The following INKA2 variants were observed in gnomAD, a reference collection of about 807,000 sequenced individuals.
INKA2 encodes PAK4-inhibitor INKA2.
A neutral mutation model predicts 9.8 loss-of-function variants in INKA2; 3 were observed. The ratio of observed to expected loss-of-function variants is 0.31; its 90% CI spans 0.14 to 0.79. INKA2 has a LOEUF of 0.79. INKA2 is among the 30% of genes least tolerant of loss of function. The probability of loss-of-function intolerance (pLI) is 0.62; values close to 1 mark genes in which losing one functional copy is unlikely to be tolerated. For synonymous variants in INKA2, 147 were observed against 143.3 expected (o/e 1.03, Z -0.18); for missense variants, 392 against 384.4 (o/e 1.02, Z -0.17).
upstream of INKA2, chr1:111,739,435 G>A (rs1264516021): frequency 6.9e-7 from 1 of 1,443,602 alleles, no homozygotes; most frequent in South Asian, 1.5e-5. Flanking sequence ...GGTGCTGGGG[G>A]TGGAGGGAAA....
At chr1:111,755,676 C>T (rs1392737715) in intron 1 of INKA2, 2 of 1,613,360 alleles carry the variant, frequency 1.2e-6, no homozygotes, top group Non-Finnish European at 1.7e-6. Context: ...GCGGCGCCCT[C>T]TGCAGGCCAC....
intron 1 of INKA2, among the ~76,000 whole-genome samples, chr1:111,734,961 C>T (rs1009553820): frequency 1.3e-5 from 2 of 152,296 alleles, no homozygotes; most frequent in South Asian, 2.1e-4. Flanking sequence ...ATCAGACTGG[C>T]GGGGTTTGAA....
At chr1:111,752,728 C>G (rs1663437597) in intron 1 of INKA2, among the ~76,000 whole-genome samples, 1 of 151,490 alleles carries the variant, frequency 6.6e-6, no homozygotes, top group African/African-American at 2.4e-5. Flanking sequence ...GAGTCTCGCT[C>G]TGTTGCCCAG....
chr1:111,738,891 G>T (rs1663070414), intron 1 of INKA2, among the ~76,000 whole-genome samples: 1 of 152,198 alleles, frequency 6.6e-6, no homozygotes, highest in Non-Finnish European at 1.5e-5. Context: ...GTCTCTGGGC[G>T]TGCCCTATCT....
intron 1 of INKA2, among the ~76,000 whole-genome samples, chr1:111,729,635 T>C (rs1662861585): frequency 6.6e-6 from 1 of 152,228 alleles, no homozygotes. Flanking sequence ...GCAAACCTCA[T>C]ATGCAGGGAC....
intron 1 of INKA2, chr1:111,755,020 G>A (rs575866964): frequency 2.3e-5 from 3 of 132,058 alleles, no homozygotes; most frequent in Non-Finnish European, 1.6e-5. Context: ...ACCACAGCAA[G>A]GAAAAGTGGC....
In INKA2 at chr1:111,727,668, C is replaced by G; in HGVS notation, c.194G>C (p.Gly65Ala). 1.2e-6 allele frequency: 2 copies of G among 1,611,152 alleles called. No individual in the cohort carries two copies. Among genetic ancestry groups the G allele is most frequent in the Non-Finnish European group, 1.7e-6 (2 of 1,178,436 alleles). Residue 65 changes from glycine to alanine, a missense_variant, in exon 2 of 2, where the codon GGC becomes GCC. Gly to Ala is a moderately conservative substitution (Grantham distance 60). Coordinates refer to ENST00000357260, the MANE Select transcript of INKA2 (RefSeq NM_019099.5). ...LEISGGGPVP[G>A]SPEGPRTQCE... The stretch of plus-strand genomic sequence containing the variant: ...CTGGGTCCTGGGACCTTCAGGGCTG[C>G]CTGGCACAGGACCCCCTCCAGAGAT...
intron 1 of INKA2, among the ~76,000 whole-genome samples, chr1:111,748,263 T>C (rs1227381182): frequency 6.6e-6 from 1 of 152,228 alleles, no homozygotes; most frequent in Non-Finnish European, 1.5e-5. Context: ...AATTCTGCCA[T>C]CTGGCATAAT....
chr1:111,727,161 G>C lies in INKA2; in HGVS notation c.701C>G (p.Thr234Arg). ...RLLKEKPGWV[T>R]PMVPESRTGR... Reference sequence around the variant, plus strand: ...GGTTCGGGACTCAGGGACCATGGGTGTCACCCAGCCTGGCTTCTCCTTCAG... The same window carrying C: ...GGTTCGGGACTCAGGGACCATGGGTCTCACCCAGCCTGGCTTCTCCTTCAG... The change falls in exon 2 of 2, where the codon ACA becomes AGA. Residue 234 changes from threonine to arginine, a missense_variant. Coordinates refer to ENST00000357260, the MANE Select transcript of INKA2 (RefSeq NM_019099.5). 1 of 1,614,240 alleles carries C rather than the reference G, an allele frequency of 6.2e-7. No homozygotes were observed. Among genetic ancestry groups the C allele is most frequent in the Non-Finnish European group, 8.5e-7 (1 of 1,180,050 alleles).
At chr1:111,755,570 A>C in intron 1 of INKA2, 1 of 1,071,740 alleles carries the variant, frequency 9.3e-7, no homozygotes. Context: ...GGCGCATCAC[A>C]AAGAACGGCG....
upstream of INKA2, among the ~76,000 whole-genome samples, chr1:111,740,334 A>G (rs545174785): frequency 6.6e-6 from 1 of 152,050 alleles, no homozygotes; most frequent in African/African-American, 2.4e-5. Context: ...GCCCTGGAGG[A>G]TGGAGTTGCG....
chr1:111,744,187 G>T (rs577708447), upstream of INKA2, among the ~76,000 whole-genome samples: 1 of 152,336 alleles, frequency 6.6e-6, no homozygotes, highest in South Asian at 2.1e-4. Flanking sequence ...TACCAGGAGG[G>T]ACAGCTGAGA....
intron 1 of INKA2, among the ~76,000 whole-genome samples, chr1:111,737,217 T>A (rs1359541030): frequency 6.6e-6 from 1 of 152,172 alleles, no homozygotes; most frequent in Non-Finnish European, 1.5e-5. Context: ...CTCCCTTTCC[T>A]CCTCTCAGGC....
At position 111,753,730 on chromosome 1, in the gene INKA2, G is replaced by A. The variant is rs1051415873; in HGVS notation, n.124+1971C>T. The A allele has an allele frequency of 2.0e-5, 3 of 152,332 alleles. No individual in the cohort carries two copies. The East Asian group carries it at 5.8e-4, about 29-fold the overall frequency. The allele number at this position is 152,332 out of a possible 1,614,324, so 9.4% of individuals were successfully genotyped here. A position where few individuals can be genotyped will look rare whatever the true frequency, so the allele number is the denominator to read the frequency against. On this transcript the variant is annotated intron_variant and non_coding_transcript_variant, in intron 1 of 1. Transcript: ENST00000444059. ...TCAATGTTTATTGGGTCTACCAGGTGCTTGGTGCTGGCCTGGAGGGCCTAG... is the reference window on the plus strand; with the variant it reads ...TCAATGTTTATTGGGTCTACCAGGTACTTGGTGCTGGCCTGGAGGGCCTAG...
intron 1 of INKA2, 114 bp downstream of exon 1, chr1:111,739,072 C>T (rs1382505808): frequency 3.9e-6 from 4 of 1,018,784 alleles, no homozygotes; most frequent in Non-Finnish European, 4.5e-6. Context: ...CTCCTCTCTT[C>T]CCTGGCCCTC....
chr1:111,744,839 T>C (rs752124974), intron 1 of INKA2, among the ~76,000 whole-genome samples: 1 of 152,158 alleles, frequency 6.6e-6, no homozygotes, highest in Non-Finnish European at 1.5e-5. Flanking sequence ...CTCGTGCTTT[T>C]ACCCATAGTG....
At chr1:111,736,838 T>C (rs1243610461) in intron 1 of INKA2, among the ~76,000 whole-genome samples, 1 of 152,230 alleles carries the variant, frequency 6.6e-6, no homozygotes, top group Non-Finnish European at 1.5e-5. Context: ...ATTCAGTCCC[T>C]ACTGTCCCTG....
intron 1 of INKA2, among the ~76,000 whole-genome samples, chr1:111,752,623 T>C (rs1179982402): frequency 1.3e-5 from 2 of 152,190 alleles, no homozygotes. Context: ...TCTTTCCACA[T>C]TCCCCCACCG....
intron 1 of INKA2, among the ~76,000 whole-genome samples, chr1:111,728,434 T>C (rs963455039): frequency 3.9e-5 from 6 of 152,134 alleles, no homozygotes; most frequent in Admixed American, 2.0e-4. Context: ...TTACGTAACG[T>C]CACACAGGTC....
Sources: gnomAD v4.1 joint callset for allele counts (sites outside exome capture counted in the v4.1 genomes callset) on GRCh38, gnomAD v4.1.1 for gene constraint, MANE v1.5 for transcripts, NCBI Gene and HGNC (gene_info 2026-07-23, HGNC 2026-07-21) for gene names.